The following VEZF1 variants were observed in gnomAD, a reference collection of about 807,000 sequenced individuals.
VEZF1 encodes vascular endothelial zinc finger 1.
VEZF1 carries 5 observed loss-of-function variants against 44.1 expected under a neutral mutation model. That is an observed-to-expected ratio of 0.11 (90% CI 0.06 to 0.24). The LOEUF (loss-of-function observed/expected upper bound fraction) is 0.24, where lower values mean the gene tolerates loss of function less well. VEZF1 is among the 10% of genes least tolerant of loss of function. VEZF1 has a pLI of 1.00. For synonymous variants in VEZF1, 236 were observed against 233.1 expected, an observed-to-expected ratio of 1.01 and a Z score of -0.11; for missense variants, 358 against 641.8, an observed-to-expected ratio of 0.56 and a Z score of 4.78.
chr17:57,978,711 A>C (rs1329754942), intron 5 of VEZF1, among the ~76,000 whole-genome samples: 1 of 152,200 alleles, frequency 6.6e-6, no homozygotes, highest in East Asian at 1.9e-4. Flanking sequence ...ACAATGAAAA[A>C]GAACACTACA....
intron 5 of VEZF1, 141 bp downstream of exon 5, chr17:57,979,011 G>T: frequency 8.6e-7 from 1 of 1,167,686 alleles, no homozygotes; most frequent in Non-Finnish European, 1.2e-6. Flanking sequence ...TACTTTACCA[G>T]ATATTTCCCA....
intron 5 of VEZF1, among the ~76,000 whole-genome samples, chr17:57,977,707 G>A (rs546793803): frequency 2.0e-5 from 3 of 151,972 alleles, no homozygotes; most frequent in Admixed American, 1.3e-4. Context: ...AGCTGGGCGC[G>A]GTGGCACATG....
chr17:57,988,185 CA>C lies in VEZF1; in HGVS notation c.-75del. 1 of 375,708 alleles carries C rather than the reference CA, an allele frequency of 2.7e-6. No homozygotes were observed. The highest frequency in any genetic ancestry group is 4.2e-6 in the Non-Finnish European group (1 of 238,650). The allele number at this position is 375,708 out of a possible 1,614,324, so 23.3% of individuals were successfully genotyped here. On this transcript the variant is annotated 5_prime_UTR_variant, in exon 1 of 6. An upstream open reading frame in the 5' UTR loses its in-frame stop. Coordinates refer to ENST00000581208, the MANE Select transcript of VEZF1 (RefSeq NM_007146.3). Reference sequence around the variant, plus strand: ...CCTCCTCAGCCGGAGGAGGCGACAACAAAGCGGCGGCGGCGGCGGCGGCAAC... The same window carrying C: ...CCTCCTCAGCCGGAGGAGGCGACAACAAGCGGCGGCGGCGGCGGCGGCAAC...
chr17:57,983,558 A>G (rs2075270524), intron 1 of VEZF1, among the ~76,000 whole-genome samples, 165 bp from the exon 2 acceptor site: 2 of 152,214 alleles, frequency 1.3e-5, no homozygotes, highest in Admixed American at 6.5e-5. Flanking sequence ...CTCACAATAC[A>G]AAGCATTGAA....
At chr17:57,984,107 A>G (rs1424100683) in intron 1 of VEZF1, among the ~76,000 whole-genome samples, 1 of 152,258 alleles carries the variant, frequency 6.6e-6, no homozygotes, top group Non-Finnish European at 1.5e-5. Context: ...ATCTTTCAGC[A>G]ACACTATCTG....
chr17:57,982,971 G>A lies in VEZF1; in HGVS notation c.456C>T (p.Ala152=). 6.2e-7 allele frequency: 1 copy of A among 1,614,168 alleles called. No homozygotes were observed. Among genetic ancestry groups the A allele is most frequent in the Non-Finnish European group, 8.5e-7 (1 of 1,180,034 alleles). ...GGGTCACTGGCATAGCTGTGGTGCT[G>A]GCACTGCTACTGGGGTTGGTGCCCG... ...SSSGTNPSSS[A]STTAMPVTQS... Residue 152 remains alanine (A), a synonymous_variant, in exon 2 of 6, where the codon GCC becomes GCT. Coordinates refer to ENST00000581208, the MANE Select transcript of VEZF1 (RefSeq NM_007146.3).
Position 57,974,280 on chromosome 17 carries a change from G to T in VEZF1, c.*193C>A, listed in dbSNP as rs190946026. 1,322 of 632,660 alleles carry T rather than the reference G, an allele frequency of 2.1e-3. 6 individuals are homozygous for T. Among genetic ancestry groups the T allele is most frequent in the Non-Finnish European group, 2.0e-3 (751 of 373,942 alleles). The allele number at this position is 632,660 out of a possible 1,614,324, so 39.2% of individuals were successfully genotyped here. On this transcript the variant is annotated 3_prime_UTR_variant, in exon 6 of 6. Coordinates refer to ENST00000581208, the MANE Select transcript of VEZF1 (RefSeq NM_007146.3). The stretch of plus-strand genomic sequence containing the variant: ...AGGAATTTCTGATTAAACTAAAGTG[G>T]TCCAGTGATAAGTTACATACACACC...
rs754105244 is a variant in VEZF1 at position 57,983,274 on chromosome 17, T to C, written c.153A>G (p.Lys51=). ...TTAATGTTTCTGGTGCACCCTGAGG[T>C]TTCTGAGTTATTGGTATTGGAAGCA... is the stretch of plus-strand genomic sequence containing the variant. ...KPLLPIPITQ[K]PQGAPETLKD... Residue 51 remains lysine, a synonymous_variant, in exon 2 of 6, where the codon AAA becomes AAG. Transcript: ENST00000581208. 2.2e-5 allele frequency: 35 copies of C among 1,613,954 alleles called. No individual in the cohort carries two copies. The highest frequency in any genetic ancestry group is 2.1e-5 in the Non-Finnish European group (25 of 1,180,024).
intron 1 of VEZF1, among the ~76,000 whole-genome samples, chr17:57,987,110 T>G (rs1446679907): frequency 6.6e-6 from 1 of 152,224 alleles, no homozygotes; most frequent in Non-Finnish European, 1.5e-5. Context: ...TTCAAGTTTC[T>G]TGCAAAAAAG....
At position 57,983,095 on chromosome 17, in the gene VEZF1, G is replaced by A. The variant is rs750588562; in HGVS notation, c.332C>T (p.Thr111Met). Residue 111 changes from threonine (T) to methionine (M), a missense_variant, in exon 2 of 6, where the codon ACG becomes ATG. This residue lies in a region of VEZF1 where 117 missense variants were observed against 207.2 expected (regional missense o/e 0.56). Transcript: ENST00000581208. Reference sequence around the variant, plus strand: ...GATGGTAGAGATAAGGGGAACCACCGTGGTGGGGGTTTTCTTTGGCCGGGA... The same window carrying A: ...GATGGTAGAGATAAGGGGAACCACCATGGTGGGGGTTTTCTTTGGCCGGGA... Reference protein sequence around the residue: ...LVSRPKKTPTTVVPLISTIAG... With the variant: ...LVSRPKKTPTMVVPLISTIAG... 27 of 1,614,100 alleles carry A rather than the reference G, an allele frequency of 1.7e-5. No individual in the cohort carries two copies. Among genetic ancestry groups the A allele is most frequent in the Middle Eastern group, 1.6e-4 (1 of 6,084 alleles).
In VEZF1 at chr17:57,974,907, T is replaced by A. The variant is rs766090324; in HGVS notation, c.1139-7A>T. 1.5e-5 allele frequency: 24 copies of A among 1,597,878 alleles called. No individual in the cohort carries two copies. The Admixed American group carries it at 1.7e-4, about 11-fold the overall frequency. On this transcript the variant is annotated splice_polypyrimidine_tract_variant and splice_region_variant and intron_variant, in intron 5 of 5. Transcript: ENST00000581208. ...TGGCACAGGTTAGCAGCTTCTAAAA[T>A]AAGAAGAAAAAGGGTCTTTAGATTC...
intron 4 of VEZF1, among the ~76,000 whole-genome samples, chr17:57,979,777 C>T (rs939303868): frequency 2.0e-5 from 3 of 151,474 alleles, no homozygotes; most frequent in East Asian, 1.9e-4. Flanking sequence ...CTGGGCAACA[C>T]GGTGAAACGC....
At chr17:57,977,252 G>T (rs1012292236) in intron 5 of VEZF1, among the ~76,000 whole-genome samples, 1 of 151,930 alleles carries the variant, frequency 6.6e-6, no homozygotes, top group Non-Finnish European at 1.5e-5. Flanking sequence ...GAGTAGCGGG[G>T]ACTACAGACA....
chr17:57,974,810 C>T lies in VEZF1; in HGVS notation c.1229G>A (p.Gly410Glu), dbSNP rs1135656. 1 of 1,614,020 alleles carries T rather than the reference C, an allele frequency of 6.2e-7. No individual in the cohort carries two copies. Among genetic ancestry groups the T allele is most frequent in the Non-Finnish European group, 8.5e-7 (1 of 1,179,990 alleles). ...CACTGTGACTGGGTTTGACATAGTC[C>T]CAGACGACACAGAGGATGTTATACT... ...PFSITSSVSS[G>E]TMSNPVTVAA... Residue 410 changes from glycine (G) to glutamate (E), a missense_variant, in exon 6 of 6, where the codon GGG becomes GAG. Gly to Glu is a moderately conservative substitution (Grantham distance 98). Transcript: ENST00000581208.
At position 57,973,726 on chromosome 17, in the gene VEZF1, T is replaced by G. The variant is rs1483475028; in HGVS notation, c.*747A>C. ...TGAGGCTTTTCTTAGCAAAACACAA[T>G]TTGTAGATTTTTTTTAAATTTTTTT... On this transcript the variant is annotated 3_prime_UTR_variant, in exon 6 of 6. Coordinates refer to ENST00000581208, the MANE Select transcript of VEZF1 (RefSeq NM_007146.3). 1 of 152,060 alleles carries G rather than the reference T, an allele frequency of 6.6e-6. No individual in the cohort carries two copies. Among genetic ancestry groups the G allele is most frequent in the Admixed American group, 6.6e-5 (1 of 15,256 alleles). The allele number at this position is 152,060 out of a possible 1,614,324, so 9.4% of individuals were successfully genotyped here.
chr17:57,980,635 T>C lies in VEZF1; in HGVS notation c.944A>G (p.Asn315Ser), dbSNP rs138885303. 1.2e-6 allele frequency: 2 copies of C among 1,613,246 alleles called. No individual in the cohort carries two copies. The highest frequency in any genetic ancestry group is 1.7e-6 in the Non-Finnish European group (2 of 1,180,048). ...LKTHGQSQSI[N>S]CNTCKQGISK... ...GATGCCTTGTTTACATGTATTACAGTTGATACTTTGGCTCTGCCCATGAGT... is the reference window on the plus strand; with the variant it reads ...GATGCCTTGTTTACATGTATTACAGCTGATACTTTGGCTCTGCCCATGAGT... Residue 315 changes from asparagine to serine, a missense_variant, in exon 4 of 6, where the codon AAC becomes AGC. By Grantham distance (46) the Asn-to-Ser change is conservative. This residue lies in a region of VEZF1 where 171 missense variants were observed against 272.4 expected (regional missense o/e 0.63). Coordinates refer to ENST00000581208, the MANE Select transcript of VEZF1 (RefSeq NM_007146.3).
rs1357806108 is a variant in VEZF1, at chr17:57,973,083, A to G, written c.*1390T>C. 6.6e-6 allele frequency: 1 copy of G among 150,412 alleles called. No individual in the cohort carries two copies. The highest frequency in any genetic ancestry group is 1.5e-5 in the Non-Finnish European group (1 of 67,748). 9.3% of individuals were successfully genotyped at this position (150,412 alleles called of 1,614,324 possible). A position where few individuals can be genotyped will look rare whatever the true frequency, so the allele number is the denominator to read the frequency against. Reference sequence around the variant, plus strand: ...AAAATCACAGCATCTTGGTTTAGTTAATTTTTTTTTTAACGCAATGCTTTA... The same window carrying G: ...AAAATCACAGCATCTTGGTTTAGTTGATTTTTTTTTTAACGCAATGCTTTA... On this transcript the variant is annotated 3_prime_UTR_variant, in exon 6 of 6. Coordinates refer to ENST00000581208, the MANE Select transcript of VEZF1 (RefSeq NM_007146.3).
rs140119163 is a variant in VEZF1, at chr17:57,983,330, A to C, written c.97T>G (p.Ser33Ala). Residue 33 changes from serine (S) to alanine (A), a missense_variant, in exon 2 of 6, where the codon TCT becomes GCT. Coordinates refer to ENST00000581208, the MANE Select transcript of VEZF1 (RefSeq NM_007146.3). Reference sequence around the variant, plus strand: ...TTCTGATCAGGGGGCTCCACGGCAGAGCTCAGGAGGGGCAGCAAGCTGTTC... The same window carrying C: ...TTCTGATCAGGGGGCTCCACGGCAGCGCTCAGGAGGGGCAGCAAGCTGTTC... Reference protein sequence around the residue: ...AQNSLLPLLSSAVEPPDQKPL... With the variant: ...AQNSLLPLLSAAVEPPDQKPL... The C allele has an allele frequency of 1.7e-5, 28 of 1,614,030 alleles. No homozygotes were observed. Among genetic ancestry groups the C allele is most frequent in the Non-Finnish European group, 2.3e-5 (27 of 1,180,046 alleles).
At chr17:57,987,290 G>T (rs1050498342) in intron 1 of VEZF1, among the ~76,000 whole-genome samples, 2 of 152,080 alleles carry the variant, frequency 1.3e-5, no homozygotes, top group African/African-American at 2.4e-5. Flanking sequence ...CGCCTGCCCC[G>T]GGCCGGCCCG....
Sources: gnomAD v4.1 joint callset for allele counts (sites outside exome capture counted in the v4.1 genomes callset) on GRCh38, gnomAD v4.1.1 for gene constraint, gnomAD v4.1.1 regional missense constraint, MANE v1.5 for transcripts, NCBI Gene and HGNC (gene_info 2026-07-23, HGNC 2026-07-21) for gene names.